PCYT1B: variants seen among roughly 807,000 people sequenced by gnomAD.
The protein encoded by PCYT1B is choline-phosphate cytidylyltransferase B.
PCYT1B carries 10 observed loss-of-function variants against 26.4 expected under a neutral mutation model. The ratio of observed to expected loss-of-function variants is 0.38; its 90% CI spans 0.23 to 0.64. PCYT1B has a LOEUF of 0.64. Ranked by LOEUF, PCYT1B falls within the 30% of genes least tolerant of loss-of-function variation. PCYT1B has a pLI of 0.56. For synonymous variants in PCYT1B, 131 were observed against 108.4 expected (o/e 1.21, Z -1.29); for missense variants, 161 against 292.7 (o/e 0.55, Z 3.28).
At chrX:24,635,594 TTACAA>T (rs1926245896) in intron 1 of PCYT1B, among the ~76,000 whole-genome samples, 1 of 112,006 alleles carries the variant, frequency 8.9e-6, no homozygotes, top group African/African-American at 3.2e-5. Context: ...AAACCATATT[TTACAA>T]GAAAACTGTA....
intron 1 of PCYT1B, among the ~76,000 whole-genome samples, chrX:24,672,201 A>G (rs1927269961): frequency 8.9e-6 from 1 of 112,198 alleles, no homozygotes; most frequent in African/African-American, 3.2e-5. Context: ...GGATTTTGTG[A>G]CGTTTCTACT....
At chrX:24,668,070 A>G (rs112893205) in intron 1 of PCYT1B, among the ~76,000 whole-genome samples, 4,428 of 112,087 alleles carry the variant, frequency 0.04, 212 homozygotes, top group African/African-American at 0.13. Flanking sequence ...TAAGGATATT[A>G]TGGAAATGCA....
At chrX:24,638,619 C>G (rs1926371954) in intron 1 of PCYT1B, among the ~76,000 whole-genome samples, 1 of 111,488 alleles carries the variant, frequency 9.0e-6, no homozygotes, top group African/African-American at 3.3e-5. Flanking sequence ...CCCCAGTGAT[C>G]TGATGGGATA....
chrX:24,647,224 T>A lies in PCYT1B; in HGVS notation c.-119A>T. Reference sequence around the variant, plus strand: ...CCTCCACCCATCCCCCCGCTTCTTCTCCCCTTCTTTCTGTCTTCCCTAGGG... The same window carrying A: ...CCTCCACCCATCCCCCCGCTTCTTCACCCCTTCTTTCTGTCTTCCCTAGGG... On this transcript the variant is annotated 5_prime_UTR_variant, in exon 1 of 8. Transcript: ENST00000379144. The A allele has an allele frequency of 1.1e-6, 1 of 907,823 alleles. No individual in the cohort carries two copies. 74.8% of individuals were successfully genotyped at this position (907,823 alleles called of 1,213,427 possible).
At chrX:24,667,639 C>A (rs1252574446) in intron 1 of PCYT1B, among the ~76,000 whole-genome samples, 1 of 109,715 alleles carries the variant, frequency 9.1e-6, no homozygotes, top group African/African-American at 3.3e-5. Context: ...ATCGCTTGAA[C>A]CCGGGAGATG....
intron 1 of PCYT1B, among the ~76,000 whole-genome samples, chrX:24,643,936 A>T (rs943784333): frequency 2.1e-4 from 24 of 112,054 alleles, no homozygotes; most frequent in African/African-American, 7.8e-4. Context: ...CACTCTGTTG[A>T]TGGCTGTGGT....
chrX:24,591,229 T>C (rs758430911), intron 3 of PCYT1B, among the ~76,000 whole-genome samples: 8 of 111,450 alleles, frequency 7.2e-5, no homozygotes, highest in African/African-American at 9.8e-5. Context: ...ATAAATACTA[T>C]TCACTATCCT....
intron 2 of PCYT1B, among the ~76,000 whole-genome samples, chrX:24,611,551 C>A (rs955514672): frequency 8.9e-6 from 1 of 111,746 alleles, no homozygotes; most frequent in Non-Finnish European, 1.9e-5. Context: ...TGATCTCTGC[C>A]TCCTGGTGCC....
intron 1 of PCYT1B, among the ~76,000 whole-genome samples, chrX:24,622,215 A>G (rs1925722437): frequency 8.9e-6 from 1 of 112,104 alleles, no homozygotes; most frequent in African/African-American, 3.2e-5. Context: ...TTTCTAAAGC[A>G]CAGCAGGGTA....
At chrX:24,599,368 C>T (rs1452678609) in intron 3 of PCYT1B, among the ~76,000 whole-genome samples, 1 of 111,437 alleles carries the variant, frequency 9.0e-6, no homozygotes, top group East Asian at 2.8e-4. Flanking sequence ...ATCACTGTAA[C>T]AAACTCCTTC....
chrX:24,630,700 C>T (rs1277067131), intron 1 of PCYT1B, among the ~76,000 whole-genome samples: 1 of 112,253 alleles, frequency 8.9e-6, no homozygotes, highest in Non-Finnish European at 1.9e-5. Flanking sequence ...TGGCTTTAAG[C>T]TCCCAGTAGT....
chrX:24,655,627 A>G (rs1392975721), intron 1 of PCYT1B, among the ~76,000 whole-genome samples: 2 of 111,494 alleles, frequency 1.8e-5, no homozygotes, highest in Non-Finnish European at 3.8e-5. Flanking sequence ...TACTAAAAAT[A>G]CAAAAATTAG....
intron 1 of PCYT1B, among the ~76,000 whole-genome samples, chrX:24,668,381 G>A (rs1927170437): frequency 8.9e-6 from 1 of 112,089 alleles, no homozygotes; most frequent in Non-Finnish European, 1.9e-5. Flanking sequence ...TGGCAGCAAA[G>A]ACTGGTAAAG....
intron 1 of PCYT1B, among the ~76,000 whole-genome samples, chrX:24,671,345 C>CAATG (rs1927251387): frequency 9.3e-6 from 1 of 107,842 alleles, no homozygotes; most frequent in African/African-American, 3.4e-5. Context: ...ATGAATGAAT[C>CAATG]AATCAATCAA....
chrX:24,566,273 C>T (rs1414235508), intron 7 of PCYT1B, among the ~76,000 whole-genome samples: 1 of 112,024 alleles, frequency 8.9e-6, no homozygotes, highest in Non-Finnish European at 1.9e-5. Flanking sequence ...CACAACACTG[C>T]AAATTCTCTA....
intron 1 of PCYT1B, among the ~76,000 whole-genome samples, chrX:24,657,451 G>A (rs779857067): frequency 1.8e-5 from 2 of 112,197 alleles, no homozygotes; most frequent in Admixed American, 1.9e-4. Flanking sequence ...CAACACTTAA[G>A]GGCTCATTTG....
chrX:24,657,173 C>T (rs1158044356), intron 1 of PCYT1B, among the ~76,000 whole-genome samples: 1 of 111,560 alleles, frequency 9.0e-6, no homozygotes, highest in East Asian at 2.8e-4. Context: ...AATATCTAAT[C>T]ATCCGTTTAC....
At chrX:24,629,392 CCT>C (rs753543404) in intron 1 of PCYT1B, among the ~76,000 whole-genome samples, 108 of 106,547 alleles carry the variant, frequency 1.0e-3, no homozygotes, top group African/African-American at 3.5e-3. Context: ...ATGGCGAAAC[CCT>C]CTCTCTATGA....
Position 24,608,472 on chromosome X carries a change from C to T in PCYT1B, c.218-611G>A, listed in dbSNP as rs775517057. On this transcript the variant is annotated intron_variant, in intron 2 of 7. Coordinates refer to ENST00000379144, the MANE Select transcript of PCYT1B (RefSeq NM_004845.5). ...TTACTAGCATACCACTGCAAGGCCACTCCCTAACCTCTTTGGTATAATAAG... is the reference window on the plus strand; with the variant it reads ...TTACTAGCATACCACTGCAAGGCCATTCCCTAACCTCTTTGGTATAATAAG... Among the ~76,000 whole-genome samples, 3 of 111,904 alleles carry T rather than the reference C, an allele frequency of 2.7e-5. No homozygotes were observed. In the South Asian group the frequency reaches 1.1e-3, roughly 42 times the overall value.
Sources: allele counts gnomAD v4.1 joint callset (sites outside exome capture counted in the v4.1 genomes callset), GRCh38; gene constraint gnomAD v4.1.1; transcripts MANE v1.5; gene names NCBI Gene and HGNC (gene_info 2026-07-23, HGNC 2026-07-21).